Variants in DLGAP2 observed in about 807,000 individuals in gnomAD.
The protein encoded by DLGAP2 is disks large-associated protein 2.
Under a neutral mutation model 100.3 loss-of-function variants are expected in DLGAP2, and 26 were observed. The observed-to-expected ratio is 0.26, with a 90% confidence interval of 0.19 to 0.36. DLGAP2 has a LOEUF of 0.36. Ranked by LOEUF, DLGAP2 falls within the 10% of genes least tolerant of loss-of-function variation. The pLI is 1.00. For missense variants in DLGAP2, 1,858 were observed against 1,453.2 expected, an observed-to-expected ratio of 1.28 and a Z score of -4.53; for synonymous variants, 886 against 630.1, an observed-to-expected ratio of 1.41 and a Z score of -6.08.
chr8:1,387,802 C>T (rs115765838), intron 3 of DLGAP2, among the ~76,000 whole-genome samples: 1,556 of 152,268 alleles, frequency 0.01, 31 homozygotes, highest in African/African-American at 0.035. Context: ...GTGCCACAAT[C>T]GGAACCAGGA....
chr8:1,580,068 G>C (rs530264346), intron 6 of DLGAP2, among the ~76,000 whole-genome samples: 3 of 152,254 alleles, frequency 2.0e-5, no homozygotes, highest in South Asian at 2.1e-4. Flanking sequence ...CATTCCCACT[G>C]TTCTGTACAC....
chr8:1,591,244 G>A (rs952149175), intron 6 of DLGAP2, among the ~76,000 whole-genome samples: 2 of 152,028 alleles, frequency 1.3e-5, no homozygotes, highest in African/African-American at 4.8e-5. Context: ...TAATTTCTAG[G>A]GAATTACAGG....
chr8:965,401 C>T (rs1262182499), intron 2 of DLGAP2, among the ~76,000 whole-genome samples: 4 of 70,124 alleles, frequency 5.7e-5, no homozygotes, highest in Admixed American at 2.0e-4. Context: ...ATCACACACG[C>T]GGCTCCAGAG....
At chr8:1,061,681 C>T (rs1803088084) in intron 2 of DLGAP2, among the ~76,000 whole-genome samples, 1 of 151,952 alleles carries the variant, frequency 6.6e-6, no homozygotes, top group African/African-American at 2.4e-5. Flanking sequence ...AGCCGGGGCC[C>T]AGGTGAGTGG....
At chr8:1,164,823 A>G (rs1796982703) in intron 2 of DLGAP2, among the ~76,000 whole-genome samples, 1 of 152,020 alleles carries the variant, frequency 6.6e-6, no homozygotes, top group African/African-American at 2.4e-5. Context: ...TGTGACAGTG[A>G]GAATACCAGG....
At chr8:1,036,919 C>T (rs954351156) in intron 2 of DLGAP2, among the ~76,000 whole-genome samples, 1 of 152,008 alleles carries the variant, frequency 6.6e-6, no homozygotes, top group African/African-American at 2.4e-5. Context: ...AAGGTGTGAC[C>T]CCCTCCCGGC....
chr8:1,460,138 T>C (rs1798432649), intron 3 of DLGAP2, among the ~76,000 whole-genome samples: 1 of 152,198 alleles, frequency 6.6e-6, no homozygotes, highest in African/African-American at 2.4e-5. Context: ...GGCCCCGGGC[T>C]TCTGTCCACA....
intron 2 of DLGAP2, among the ~76,000 whole-genome samples, chr8:945,939 C>T (rs763167809): frequency 4.6e-5 from 7 of 152,004 alleles, no homozygotes; most frequent in Admixed American, 6.5e-5. Context: ...TGGAAAGTAA[C>T]GAGACTGATC....
chr8:797,837 G>A (rs542479118), intron 1 of DLGAP2, among the ~76,000 whole-genome samples: 6 of 152,110 alleles, frequency 3.9e-5, no homozygotes, highest in South Asian at 4.1e-4. Context: ...TGCAACCTCC[G>A]CCTCCCAGGT....
intron 4 of DLGAP2, among the ~76,000 whole-genome samples, chr8:1,515,761 C>T (rs1268975044): frequency 1.1e-5 from 1 of 88,076 alleles, no homozygotes; most frequent in African/African-American, 3.6e-5. Flanking sequence ...CACACATGCA[C>T]AAACATACAA....
At chr8:1,121,033 T>G (rs12544013) in intron 2 of DLGAP2, among the ~76,000 whole-genome samples, 1 of 150,544 alleles carries the variant, frequency 6.6e-6, no homozygotes, top group Admixed American at 6.6e-5. Flanking sequence ...TGGCCACGCA[T>G]CCTTGTCCCT....
chr8:755,908 G>C (rs146471503), intron 1 of DLGAP2, among the ~76,000 whole-genome samples: 1 of 152,320 alleles, frequency 6.6e-6, no homozygotes, highest in Non-Finnish European at 1.5e-5. Context: ...GAGGCGGGTG[G>C]AGAGTGTGGG....
chr8:1,586,854 T>A (rs949323884), intron 6 of DLGAP2, among the ~76,000 whole-genome samples: 6 of 152,232 alleles, frequency 3.9e-5, no homozygotes, highest in African/African-American at 1.2e-4. Flanking sequence ...TCTCTTCTTC[T>A]GGGTAGCATC....
intron 2 of DLGAP2, among the ~76,000 whole-genome samples, chr8:1,095,422 C>A (rs551071845): frequency 9.2e-5 from 14 of 152,298 alleles, no homozygotes; most frequent in African/African-American, 3.1e-4. Context: ...TTGGGATCCT[C>A]CATCAGGGCT....
chr8:1,451,685 C>G (rs530417103), intron 3 of DLGAP2, among the ~76,000 whole-genome samples: 6 of 152,174 alleles, frequency 3.9e-5, no homozygotes, highest in Non-Finnish European at 7.4e-5. Context: ...GCAGCCCCTT[C>G]TCAGCCATCA....
intron 3 of DLGAP2, among the ~76,000 whole-genome samples, chr8:1,473,276 AACC>A (rs1798848064): frequency 6.6e-6 from 1 of 152,158 alleles, no homozygotes; most frequent in African/African-American, 2.4e-5. Flanking sequence ...AAAAACCTGT[AACC>A]ACCCAATGCC....
At chr8:975,107 A>G (rs1377020052) in intron 2 of DLGAP2, among the ~76,000 whole-genome samples, 2 of 152,220 alleles carry the variant, frequency 1.3e-5, no homozygotes, top group Admixed American at 6.5e-5. Flanking sequence ...AAAGAATACT[A>G]TGAATAACTC....
chr8:1,077,513 C>T (rs1437198532), intron 2 of DLGAP2, among the ~76,000 whole-genome samples: 4 of 152,110 alleles, frequency 2.6e-5, no homozygotes, highest in Non-Finnish European at 4.4e-5. Context: ...ATCACTGGAC[C>T]CCAATTCCAT....
intron 2 of DLGAP2, among the ~76,000 whole-genome samples, chr8:965,922 C>T (rs550692751): frequency 1.2e-4 from 19 of 152,292 alleles, no homozygotes; most frequent in Admixed American, 6.5e-4. Flanking sequence ...TGAGGAGGAG[C>T]GTGGTGGCAA....
Sources: allele counts gnomAD v4.1 joint callset (sites outside exome capture counted in the v4.1 genomes callset), GRCh38; gene constraint gnomAD v4.1.1; transcripts MANE v1.5; gene names NCBI Gene and HGNC (gene_info 2026-07-23, HGNC 2026-07-21).